Variants in ADGB observed in about 807,000 individuals in gnomAD.
ADGB encodes androglobin.
ADGB carries 172 observed loss-of-function variants against 210.5 expected under a neutral mutation model. The ratio of observed to expected loss-of-function variants is 0.82; its 90% confidence interval spans 0.72 to 0.93. ADGB has a LOEUF of 0.93. Among genes scored for constraint, ADGB ranks in the 40% least tolerant of loss-of-function variants. ADGB has a pLI of 0.00. For synonymous variants in ADGB, 658 were observed against 662.7 expected, an observed-to-expected ratio of 0.99 and a Z score of 0.11; for missense variants, 2,025 against 1,964.8, an observed-to-expected ratio of 1.03 and a Z score of -0.58.
intron 1 of ADGB, among the ~76,000 whole-genome samples, chr6:146,608,219 G>GT (rs367957555): frequency 7.4e-4 from 111 of 150,032 alleles, no homozygotes; most frequent in Middle Eastern, 3.4e-3. Flanking sequence ...AGGTTTTGTG[G>GT]TTTTTTTTTG....
At chr6:146,755,897 T>A (rs1030221605) in intron 27 of ADGB, among the ~76,000 whole-genome samples, 1 of 152,140 alleles carries the variant, frequency 6.6e-6, no homozygotes, top group South Asian at 2.1e-4. Context: ...ATAACTGTTA[T>A]TTTTCTATAT....
chr6:146,713,813 G>A (rs972427988), intron 13 of ADGB, among the ~76,000 whole-genome samples: 5 of 151,816 alleles, frequency 3.3e-5, no homozygotes, highest in African/African-American at 1.2e-4. Flanking sequence ...TCATATCTAA[G>A]AAATAATTGC....
chr6:146,742,058 T>C (rs1261819743), intron 25 of ADGB, among the ~76,000 whole-genome samples: 2 of 152,182 alleles, frequency 1.3e-5, no homozygotes, highest in South Asian at 4.1e-4. Flanking sequence ...AACATACTTA[T>C]CTCATGAATA....
chr6:146,758,520 A>G (rs186761909), intron 27 of ADGB, among the ~76,000 whole-genome samples: 57 of 152,172 alleles, frequency 3.7e-4, no homozygotes, highest in African/African-American at 1.4e-3. Context: ...AGAAGTATAC[A>G]TAAGTATTTA....
chr6:146,731,089 T>A (rs1263155845), intron 20 of ADGB, among the ~76,000 whole-genome samples: 1 of 151,868 alleles, frequency 6.6e-6, no homozygotes, highest in Non-Finnish European at 1.5e-5. Flanking sequence ...TCGTAGGGAG[T>A]GATTAAGCCC....
chr6:146,620,414 T>C (rs938960091), intron 1 of ADGB, among the ~76,000 whole-genome samples: 2 of 152,266 alleles, frequency 1.3e-5, no homozygotes, highest in African/African-American at 4.8e-5. Flanking sequence ...ATTGCACAGA[T>C]ATTAATTCAC....
intron 35 of ADGB, among the ~76,000 whole-genome samples, chr6:146,813,453 A>ATT (rs200164048): frequency 4.0e-5 from 6 of 151,442 alleles, no homozygotes; most frequent in Admixed American, 2.0e-4. Flanking sequence ...AGATGCAGAA[A>ATT]TTTTTTTTCT....
intron 13 of ADGB, among the ~76,000 whole-genome samples, chr6:146,710,463 A>T (rs796524504): frequency 6.6e-6 from 1 of 152,084 alleles, no homozygotes; most frequent in South Asian, 2.1e-4. Flanking sequence ...AGATTCTTAG[A>T]GACAGAAGGT....
At chr6:146,652,088 A>T (rs1775711375) in intron 3 of ADGB, among the ~76,000 whole-genome samples, 1 of 152,144 alleles carries the variant, frequency 6.6e-6, no homozygotes, top group Non-Finnish European at 1.5e-5. Context: ...AGGATGTCTG[A>T]AGATTTATCC....
intron 26 of ADGB, among the ~76,000 whole-genome samples, chr6:146,750,715 A>AG (rs1292096121): frequency 1.3e-5 from 2 of 152,188 alleles, no homozygotes; most frequent in Non-Finnish European, 2.9e-5. Context: ...TTGCATTAAA[A>AG]GGGGAGCGGG....
chr6:146,713,678 C>T (rs1207438104), intron 13 of ADGB, among the ~76,000 whole-genome samples: 1 of 152,002 alleles, frequency 6.6e-6, no homozygotes, highest in Non-Finnish European at 1.5e-5. Context: ...CAAATATTTT[C>T]TCCCAGTTTG....
rs573163228 is a variant in ADGB, at chr6:146,788,616, T to C, written c.4537+6T>C. The stretch of plus-strand genomic sequence containing the variant: ...CACACGGAAGGAAAACATTCGTAAG[T>C]ATTGCTGTCATTGGTAACATAAACA... On this transcript the variant is annotated splice_donor_region_variant and intron_variant, in intron 33 of 35. Transcript: ENST00000397944. The C allele has an allele frequency of 6.5e-7, 1 of 1,549,422 alleles. No individual in the cohort carries two copies. Among genetic ancestry groups the C allele is most frequent in the East Asian group, 2.4e-5 (1 of 40,912 alleles).
chr6:146,787,837 C>T (rs1165329293), intron 32 of ADGB, among the ~76,000 whole-genome samples: 1 of 152,124 alleles, frequency 6.6e-6, no homozygotes, highest in East Asian at 1.9e-4. Context: ...AATAATGTCT[C>T]TATATAATGA....
chr6:146,643,483 G>C (rs1356450005), intron 2 of ADGB, among the ~76,000 whole-genome samples: 1 of 151,318 alleles, frequency 6.6e-6, no homozygotes, highest in Admixed American at 6.6e-5. Context: ...ATTATTTTTT[G>C]TAAGGACCTT....
chr6:146,796,392 C>T (rs148309973), intron 33 of ADGB, among the ~76,000 whole-genome samples: 93 of 152,018 alleles, frequency 6.1e-4, no homozygotes, highest in South Asian at 1.9e-3. Flanking sequence ...AGTGAAAGCA[C>T]GACCAATCTG....
At chr6:146,791,418 G>C (rs944262435) in intron 33 of ADGB, among the ~76,000 whole-genome samples, 1 of 151,932 alleles carries the variant, frequency 6.6e-6, no homozygotes, top group Non-Finnish European at 1.5e-5. Context: ...ATCATGGCTC[G>C]CTGCAGCCTC....
intron 9 of ADGB, among the ~76,000 whole-genome samples, chr6:146,678,731 A>G (rs957725381): frequency 1.3e-5 from 2 of 152,200 alleles, no homozygotes; most frequent in Admixed American, 1.3e-4. Context: ...GTAGAGATTT[A>G]TATATATTTA....
chr6:146,698,854 C>T (rs6905747), intron 12 of ADGB, among the ~76,000 whole-genome samples: 64,048 of 151,826 alleles, frequency 0.42, 14,303 homozygotes, highest in East Asian at 0.68. Context: ...TCTTGAGTAG[C>T]TGGGACTACA....
At chr6:146,741,718 T>C (rs1417674689) in intron 25 of ADGB, among the ~76,000 whole-genome samples, 1 of 152,208 alleles carries the variant, frequency 6.6e-6, no homozygotes, top group Admixed American at 6.5e-5. Flanking sequence ...TTTTGAGAGC[T>C]AAATAAATTG....
Sources: allele counts gnomAD v4.1 joint callset (sites outside exome capture counted in the v4.1 genomes callset), GRCh38; gene constraint gnomAD v4.1.1; transcripts MANE v1.5; gene names NCBI Gene and HGNC (gene_info 2026-07-23, HGNC 2026-07-21).